The following KIFAP3 variants were observed in gnomAD, a reference collection of about 807,000 sequenced individuals.
KIFAP3 encodes the protein kinesin associated protein 3, also known as kinesin-associated protein 3.
Under a neutral mutation model 106.5 loss-of-function variants are expected in KIFAP3, and 68 were observed. The ratio of observed to expected loss-of-function variants is 0.64; its 90% CI spans 0.53 to 0.78. KIFAP3 has a LOEUF of 0.78. Ranked by LOEUF, KIFAP3 falls within the 30% of genes least tolerant of loss-of-function variation. The pLI, the probability that KIFAP3 is intolerant of heterozygous loss-of-function variation, is 0.00. For synonymous variants in KIFAP3, 320 were observed against 311.5 expected (o/e 1.03, Z -0.29); for missense variants, 780 against 941.8 (o/e 0.83, Z 2.25).
At chr1:170,077,071 C>T (rs916312946), upstream of KIFAP3, among the ~76,000 whole-genome samples, 5 of 152,026 alleles carry the variant, frequency 3.3e-5, no homozygotes, top group South Asian at 2.1e-4. Flanking sequence ...TCTGTACAAA[C>T]GCACCAATTA....
intron 3 of KIFAP3, chr1:170,041,857 G>A: frequency 1.4e-6 from 2 of 1,398,028 alleles, no homozygotes; most frequent in Non-Finnish European, 9.4e-7. Flanking sequence ...AAAGGGCCCT[G>A]TTTAAGGGGA....
In KIFAP3 at chr1:170,055,293, TAAAG is replaced by T. The variant is rs747364524; in HGVS notation, c.164+8_164+11del. 103 of 1,592,162 alleles carry T rather than the reference TAAAG, an allele frequency of 6.5e-5. 1 individual carries two copies. The East Asian group carries it at 2.2e-3, about 34-fold the overall frequency. On this transcript the variant is annotated splice_region_variant and intron_variant, in intron 2 of 19. Coordinates refer to ENST00000361580, the MANE Select transcript of KIFAP3 (RefSeq NM_014970.4). ...TCACTACTTTCAAAATGTGCACAAATAAAGAACTTACATTTTTTGACATTCTTTT... is the reference window on the plus strand; with the variant it reads ...TCACTACTTTCAAAATGTGCACAAATAACTTACATTTTTTGACATTCTTTT...
In KIFAP3 at chr1:169,978,095, G is replaced by C; in HGVS notation, c.1887C>G (p.Ile629Met). Residue 629 changes from isoleucine to methionine, a missense_variant, in exon 16 of 20, where the codon ATC (isoleucine) becomes ATG (methionine). Transcript: ENST00000361580. Reference sequence around the variant, plus strand: ...ACACTGAAAGGATACGTGTTTCCTTGATTATGACGTCTCTTGTGGCTTGGT... The same window carrying C: ...ACACTGAAAGGATACGTGTTTCCTTCATTATGACGTCTCTTGTGGCTTGGT... ...VFHQATRDVI[I>M]KETQAPAYLI... 1 of 1,600,962 alleles carries C rather than the reference G, an allele frequency of 6.2e-7. No individual in the cohort carries two copies.
intron 17 of KIFAP3, among the ~76,000 whole-genome samples, chr1:169,965,789 G>GT (rs1665579757): frequency 6.6e-6 from 1 of 151,950 alleles, no homozygotes; most frequent in African/African-American, 2.4e-5. Context: ...ACAAGGCTCA[G>GT]TTTAAAAAGA....
intron 7 of KIFAP3, among the ~76,000 whole-genome samples, chr1:170,033,161 T>C (rs539396882): frequency 1.3e-5 from 2 of 151,858 alleles, no homozygotes; most frequent in Admixed American, 6.6e-5. Flanking sequence ...GTTTATGGTA[T>C]GCATAGAAAA....
In KIFAP3 at chr1:170,012,450, C is replaced by T. The variant is rs555114892; in HGVS notation, c.1183+4012G>A. ...TGGCTCCAAATCCCATGCTTTTAACCACTACACTATACTGCTTCTCACTAA... is the reference window on the plus strand; with the variant it reads ...TGGCTCCAAATCCCATGCTTTTAACTACTACACTATACTGCTTCTCACTAA... On this transcript the variant is annotated intron_variant, in intron 10 of 19. Coordinates refer to ENST00000361580, the MANE Select transcript of KIFAP3 (RefSeq NM_014970.4). Among the ~76,000 whole-genome samples, 36 of 152,226 alleles carry T rather than the reference C, an allele frequency of 2.4e-4. 1 individual carries two copies. In the South Asian group the frequency reaches 4.8e-3, roughly 20 times the overall value.
chr1:170,048,401 C>G (rs1248771000), intron 2 of KIFAP3, among the ~76,000 whole-genome samples: 1 of 151,330 alleles, frequency 6.6e-6, no homozygotes, highest in Non-Finnish European at 1.5e-5. Context: ...AAGGTCAATA[C>G]AGAGAAAAAC....
intron 10 of KIFAP3, among the ~76,000 whole-genome samples, chr1:170,014,853 G>A (rs1366583318): frequency 2.6e-5 from 4 of 152,102 alleles, no homozygotes; most frequent in Admixed American, 2.6e-4. Context: ...CTAAGAAAAT[G>A]TGTCAGGTAC....
rs1233382279 is a variant in KIFAP3, at chr1:169,921,527, G to GT, written c.*148_*149insA. On this transcript the variant is annotated 3_prime_UTR_variant, in exon 20 of 20. Coordinates refer to ENST00000361580, the MANE Select transcript of KIFAP3 (RefSeq NM_014970.4). ...ACTTAACAGAAGACAGAGGGGCTGG[G>GT]GTTAATCTGCAGCTAACAACATATA... The GT allele has an allele frequency of 5.0e-6, 3 of 596,760 alleles. No homozygotes were observed. Among genetic ancestry groups the GT allele is most frequent in the East Asian group, 5.9e-5 (2 of 34,104 alleles). The allele number at this position is 596,760 out of a possible 1,614,324, so 37.0% of individuals were successfully genotyped here.
intron 19 of KIFAP3, among the ~76,000 whole-genome samples, chr1:169,933,434 T>C (rs1428946833): frequency 6.6e-6 from 1 of 152,044 alleles, no homozygotes; most frequent in Non-Finnish European, 1.5e-5. Context: ...ACATTATGGG[T>C]TTCTTTTTTA....
At chr1:170,021,544 A>G (rs936501484) in intron 9 of KIFAP3, among the ~76,000 whole-genome samples, 2 of 150,598 alleles carry the variant, frequency 1.3e-5, no homozygotes, top group African/African-American at 4.9e-5. Context: ...GGTTCAAGCA[A>G]TTCTCCTGCC....
At chr1:169,929,380 C>A (rs556040065) in intron 19 of KIFAP3, among the ~76,000 whole-genome samples, 1 of 152,074 alleles carries the variant, frequency 6.6e-6, no homozygotes, top group Non-Finnish European at 1.5e-5. Context: ...GTCTTGAACA[C>A]TGAAAAATGT....
chr1:169,998,122 G>T (rs1667463825), intron 10 of KIFAP3, among the ~76,000 whole-genome samples: 3 of 151,360 alleles, frequency 2.0e-5, no homozygotes, highest in Admixed American at 1.3e-4. Context: ...ATCCTTTCAG[G>T]TTTCCTTCTT....
At chr1:170,082,998 G>T (rs1672044177) in intron 1 of KIFAP3, among the ~76,000 whole-genome samples, 2 of 151,966 alleles carry the variant, frequency 1.3e-5, no homozygotes. Context: ...AATAAACACA[G>T]TTGAAGAGAA....
chr1:169,975,420 C>T (rs1303511887), intron 16 of KIFAP3, among the ~76,000 whole-genome samples: 2 of 151,778 alleles, frequency 1.3e-5, no homozygotes, highest in Non-Finnish European at 2.9e-5. Flanking sequence ...AAAATATTGC[C>T]TAATAGATTT....
chr1:170,034,521 T>C (rs1349266551), intron 6 of KIFAP3, 25 bp from the exon 7 acceptor site: 2 of 1,254,302 alleles, frequency 1.6e-6, no homozygotes, highest in African/African-American at 1.6e-5. Context: ...TTTTAATATA[T>C]ATTTAAAAGA....
intron 3 of KIFAP3, chr1:170,041,883 A>C (rs766175243): frequency 2.3e-5 from 31 of 1,365,098 alleles, no homozygotes; most frequent in Non-Finnish European, 2.8e-5. Context: ...CCCAACTGGA[A>C]GGAGAATAAA....
chr1:169,999,958 A>C (rs141363928), intron 10 of KIFAP3, among the ~76,000 whole-genome samples: 36 of 152,272 alleles, frequency 2.4e-4, no homozygotes, highest in South Asian at 2.1e-4. Context: ...AGAAAAAACT[A>C]TCAGCTCTCT....
Position 170,021,008 on chromosome 1 carries a change from A to G in KIFAP3, c.1020+3410T>C, listed in dbSNP as rs559891383. On this transcript the variant is annotated intron_variant, in intron 9 of 19. Transcript: ENST00000361580. The stretch of plus-strand genomic sequence containing the variant: ...TTTATATGCTGACTTCATGAAAATT[A>G]AAGACTTCTGCTTTTCATAGGAGAA... Among the ~76,000 whole-genome samples the G allele has an allele frequency of 5.3e-4, 81 of 152,320 alleles. 1 individual carries two copies. The highest frequency in any genetic ancestry group is 1.8e-3 in the African/African-American group (74 of 41,564).
Sources: allele counts gnomAD v4.1 joint callset (sites outside exome capture counted in the v4.1 genomes callset), GRCh38; gene constraint gnomAD v4.1.1; transcripts MANE v1.5; gene names NCBI Gene and HGNC (gene_info 2026-07-23, HGNC 2026-07-21).